Variants in MBNL2 observed in about 807,000 individuals in gnomAD.
MBNL2 encodes muscleblind like splicing regulator 2.
MBNL2 carries 17 observed loss-of-function variants against 41.9 expected under a neutral mutation model. That is an observed-to-expected ratio of 0.41 (90% CI 0.28 to 0.61). The LOEUF is 0.61. Ranked by LOEUF, MBNL2 falls within the 20% of genes least tolerant of loss-of-function variation. The pLI is 0.35. For synonymous variants in MBNL2, 195 were observed against 182.9 expected, an observed-to-expected ratio of 1.07 and a Z score of -0.53; for missense variants, 336 against 505.6, an observed-to-expected ratio of 0.66 and a Z score of 3.22.
rs74109426 is a variant in MBNL2 at position 97,269,877 on chromosome 13, G to A, written c.-604-5755G>A. 2.0e-3 allele frequency among the ~76,000 whole-genome samples: 307 copies of A among 152,332 alleles called. 1 individual carries two copies. Among genetic ancestry groups the A allele is most frequent in the African/African-American group, 7.0e-3 (291 of 41,564 alleles). On this transcript the variant is annotated intron_variant, in intron 1 of 8. Transcript: ENST00000679496. ...CAGGTCTAATCCTGGTCATCATATG[G>A]AACTATCGTAGAGAGAGAGGAAGCC...
chr13:97,303,011 G>C (rs546028854), intron 2 of MBNL2, among the ~76,000 whole-genome samples: 2 of 152,334 alleles, frequency 1.3e-5, no homozygotes, highest in East Asian at 3.9e-4. Context: ...CCAAGTGGCA[G>C]AGCAGGGATT....
chr13:97,283,183 G>C (rs900468037), intron 2 of MBNL2, among the ~76,000 whole-genome samples: 1 of 152,096 alleles, frequency 6.6e-6, no homozygotes, highest in Non-Finnish European at 1.5e-5. Context: ...TGCTCCCTCA[G>C]TGTGGATGCT....
At chr13:97,165,506 A>G in the MBNL2 span, among the ~76,000 whole-genome samples, 1 of 152,170 alleles carries the variant, frequency 6.6e-6, no homozygotes, top group Non-Finnish European at 1.5e-5. Context: ...AGGAAGGGAG[A>G]GTGAATCAAA....
At chr13:97,261,870 G>A (rs927987497) in intron 1 of MBNL2, among the ~76,000 whole-genome samples, 1 of 152,078 alleles carries the variant, frequency 6.6e-6, no homozygotes, top group African/African-American at 2.4e-5. Context: ...TCGTTTCCTC[G>A]CTGAGGCTGG....
chr13:97,328,427 C>T (rs924871613), intron 2 of MBNL2, among the ~76,000 whole-genome samples: 1 of 152,188 alleles, frequency 6.6e-6, no homozygotes, highest in African/African-American at 2.4e-5. Context: ...TGCCATCTGC[C>T]CTTAAACCTT....
the MBNL2 span, among the ~76,000 whole-genome samples, chr13:97,195,222 T>G: frequency 6.6e-6 from 1 of 152,194 alleles, no homozygotes; most frequent in Non-Finnish European, 1.5e-5. Flanking sequence ...ACCTGGAATC[T>G]TCTGCCTGTG....
At chr13:97,182,093 T>C in the MBNL2 span, among the ~76,000 whole-genome samples, 1 of 152,190 alleles carries the variant, frequency 6.6e-6, no homozygotes, top group Non-Finnish European at 1.5e-5. Flanking sequence ...GGTTAGTGTT[T>C]AGGATGATGT....
At chr13:97,294,187 C>G (rs569197309) in intron 2 of MBNL2, among the ~76,000 whole-genome samples, 1 of 152,224 alleles carries the variant, frequency 6.6e-6, no homozygotes, top group East Asian at 1.9e-4. Flanking sequence ...TTCTAGCTTA[C>G]GCTTCTGTAT....
the MBNL2 span, among the ~76,000 whole-genome samples, chr13:97,181,463 A>G: frequency 6.6e-6 from 1 of 152,214 alleles, no homozygotes; most frequent in Non-Finnish European, 1.5e-5. Flanking sequence ...TCAGAAACAT[A>G]GGGAGATTTA....
At chr13:97,304,087 A>G (rs9584541) in intron 2 of MBNL2, among the ~76,000 whole-genome samples, 12,343 of 152,230 alleles carry the variant, frequency 0.081, 831 homozygotes, top group African/African-American at 0.18. Flanking sequence ...GTATGACTTG[A>G]TACCAGTGTT....
At chr13:97,191,188 G>T in the MBNL2 span, among the ~76,000 whole-genome samples, 2 of 151,760 alleles carry the variant, frequency 1.3e-5, no homozygotes, top group Non-Finnish European at 2.9e-5. Context: ...TTGTGAGGCA[G>T]CCAGGTGGGA....
At chr13:97,269,331 G>C (rs117460529) in intron 1 of MBNL2, among the ~76,000 whole-genome samples, 1 of 152,096 alleles carries the variant, frequency 6.6e-6, no homozygotes, top group Non-Finnish European at 1.5e-5. Flanking sequence ...AAAGGCTAAG[G>C]GTGCCCTGCA....
chr13:97,227,576 T>G (rs967397694), intron 1 of MBNL2, among the ~76,000 whole-genome samples: 3 of 152,194 alleles, frequency 2.0e-5, no homozygotes, highest in African/African-American at 7.2e-5. Context: ...AGTCTAAACT[T>G]AGGGCACTCT....
chr13:97,227,569 C>G lies in MBNL2; in HGVS notation c.-605+5038C>G, dbSNP rs774186868. 3.3e-5 allele frequency among the ~76,000 whole-genome samples: 5 copies of G among 152,216 alleles called. No individual in the cohort carries two copies. In the East Asian group the frequency reaches 7.7e-4, roughly 23 times the overall value. ...AAATAGAAAGTTAAAAAGTGGGAGT[C>G]TAAACTTAGGGCACTCTGGCAAGGA... On this transcript the variant is annotated intron_variant, in intron 1 of 8. Coordinates refer to ENST00000679496, the MANE Select transcript of MBNL2 (RefSeq NM_001382683.1).
At chr13:97,317,874 G>C (rs1211570346) in intron 2 of MBNL2, among the ~76,000 whole-genome samples, 1 of 152,184 alleles carries the variant, frequency 6.6e-6, no homozygotes, top group Non-Finnish European at 1.5e-5. Context: ...TTATTACCAT[G>C]CTTTCTTCCC....
intron 2 of MBNL2, among the ~76,000 whole-genome samples, chr13:97,282,636 A>C (rs1202276608): frequency 6.6e-6 from 1 of 152,234 alleles, no homozygotes. Flanking sequence ...AACGGAGTAC[A>C]GGCAGGTTCA....
At chr13:97,197,192 G>A in the MBNL2 span, among the ~76,000 whole-genome samples, 1 of 152,106 alleles carries the variant, frequency 6.6e-6, no homozygotes, top group African/African-American at 2.4e-5. Context: ...TATTTCTTAG[G>A]TAGATACATT....
chr13:97,210,516 T>C, the MBNL2 span, among the ~76,000 whole-genome samples: 2 of 150,042 alleles, frequency 1.3e-5, no homozygotes, highest in East Asian at 2.0e-4. Context: ...TATTGATATA[T>C]ACAAATTTTA....
chr13:97,354,428 A>T (rs566005553), intron 5 of MBNL2, among the ~76,000 whole-genome samples: 14 of 152,342 alleles, frequency 9.2e-5, no homozygotes, highest in Middle Eastern at 3.4e-3. Flanking sequence ...GATGAACAAC[A>T]TGTTAATATG....
Sources: allele counts gnomAD v4.1 joint callset (sites outside exome capture counted in the v4.1 genomes callset), GRCh38; gene constraint gnomAD v4.1.1; transcripts MANE v1.5; gene names NCBI Gene and HGNC (gene_info 2026-07-23, HGNC 2026-07-21).